WASHC2C: variants seen among roughly 807,000 people sequenced by gnomAD.
WASHC2C encodes Vaccinia Penetration Factor.
WASHC2C carries 73 observed loss-of-function variants against 142.2 expected under a neutral mutation model. The ratio of observed to expected loss-of-function variants is 0.51; its 90% confidence interval spans 0.43 to 0.62. The LOEUF is 0.62. Ranked by LOEUF, WASHC2C falls within the 20% of genes least tolerant of loss-of-function variation. The pLI, the probability that WASHC2C is intolerant of heterozygous loss-of-function variation, is 0.00. For missense variants in WASHC2C, 969 were observed against 1,531.7 expected, an observed-to-expected ratio of 0.63 and a Z score of 6.13; for synonymous variants, 337 against 565.5, an observed-to-expected ratio of 0.60 and a Z score of 5.73.
intron 7 of WASHC2C, 36 bp from the exon 8 acceptor site, chr10:45,746,564 C>T: frequency 6.2e-7 from 1 of 1,609,316 alleles, no homozygotes; most frequent in Non-Finnish European, 8.5e-7. Flanking sequence ...CTAAGTAAAG[C>T]CCATTTAACA....
chr10:45,790,968 C>T (rs1442373997), intron 30 of WASHC2C, among the ~76,000 whole-genome samples: 1 of 152,156 alleles, frequency 6.6e-6, no homozygotes, highest in Non-Finnish European at 1.5e-5. Flanking sequence ...GAGAGCAAGT[C>T]TAGACCTGGG....
chr10:45,729,502 A>C (rs2050287223), intron 3 of WASHC2C, among the ~76,000 whole-genome samples: 1 of 152,234 alleles, frequency 6.6e-6, no homozygotes, highest in Admixed American at 6.5e-5. Flanking sequence ...ATATGGAATC[A>C]ACTGTAAACA....
At chr10:45,744,070 T>A (rs1398263475) in intron 6 of WASHC2C, among the ~76,000 whole-genome samples, 1 of 148,930 alleles carries the variant, frequency 6.7e-6, no homozygotes, top group Non-Finnish European at 1.5e-5. Context: ...TCTTTCTTTC[T>A]TTTTTGAGCC....
chr10:45,763,703 G>C (rs1454515604), intron 18 of WASHC2C, among the ~76,000 whole-genome samples: 24 of 151,324 alleles, frequency 1.6e-4, no homozygotes, highest in African/African-American at 5.8e-4. Context: ...TTAGATTCTT[G>C]ACGCAGTTCT....
chr10:45,735,509 G>A (rs1313501308), intron 3 of WASHC2C, among the ~76,000 whole-genome samples: 21 of 152,110 alleles, frequency 1.4e-4, no homozygotes, highest in Non-Finnish European at 8.8e-5. Flanking sequence ...ACAGGTATGA[G>A]CCTCCCAAAG....
chr10:45,739,113 G>T (rs1238960748), intron 4 of WASHC2C, among the ~76,000 whole-genome samples: 2 of 151,396 alleles, frequency 1.3e-5, no homozygotes, highest in Non-Finnish European at 2.9e-5. Flanking sequence ...GGTATTTAGT[G>T]TACTATTTTT....
chr10:45,776,966 A>G (rs1554886560), intron 21 of WASHC2C, among the ~76,000 whole-genome samples: 15 of 150,082 alleles, frequency 1.0e-4, no homozygotes. Flanking sequence ...GGAGTGAGGC[A>G]GAGAGAGAGA....
chr10:45,773,820 CTG>C (rs1554885568), intron 21 of WASHC2C, among the ~76,000 whole-genome samples: 1 of 137,376 alleles, frequency 7.3e-6, no homozygotes, highest in Non-Finnish European at 1.5e-5. Context: ...TACAGTTAGA[CTG>C]TGGAATACTA....
At chr10:45,791,783 A>T (rs1388184349) in intron 30 of WASHC2C, among the ~76,000 whole-genome samples, 3 of 146,354 alleles carry the variant, frequency 2.0e-5, no homozygotes, top group Non-Finnish European at 4.6e-5. Flanking sequence ...TCAGTGAAAC[A>T]CTAAACGAAT....
chr10:45,727,557 G>T lies in WASHC2C; in HGVS notation c.126+18G>T. On this transcript the variant is annotated intron_variant, in intron 2 of 30. Transcript: ENST00000623400. ...ACGCGGGCGTGAGAGGCGGGCCCCG[G>T]GGACGCGAGAGCGGCAGGGGTGACG... The T allele has an allele frequency of 2.6e-6, 4 of 1,565,160 alleles. No homozygotes were observed. The highest frequency in any genetic ancestry group is 2.4e-5 in the East Asian group (1 of 42,242).
intron 23 of WASHC2C, among the ~76,000 whole-genome samples, chr10:45,783,416 A>AT (rs1388217823): frequency 6.6e-6 from 1 of 152,092 alleles, no homozygotes; most frequent in Non-Finnish European, 1.5e-5. Context: ...AATGTGATTT[A>AT]TTTTGTTAGA....
In WASHC2C at chr10:45,750,741, C is replaced by G; in HGVS notation, c.844-10C>G. On this transcript the variant is annotated splice_polypyrimidine_tract_variant and intron_variant, in intron 9 of 30. Coordinates refer to ENST00000623400, the MANE Select transcript of WASHC2C (RefSeq NM_001330074.2). ...CAAAAAAGCGATTCTTTTGATTTCT[C>G]CTGCTGTAGAAAAGAAGCAGACCTA... The G allele has an allele frequency of 6.5e-7, 1 of 1,547,128 alleles. No homozygotes were observed. Among genetic ancestry groups the G allele is most frequent in the South Asian group, 1.2e-5 (1 of 83,810 alleles).
At position 45,792,411 on chromosome 10, in the gene WASHC2C, G is replaced by A. The variant is rs1326996758; in HGVS notation, c.*11G>A. ...TTTGGAGGCCAGTAGAGCACACAGG[G>A]TATCCACATGTTACCCTGCAGCTAC... is the stretch of plus-strand genomic sequence containing the variant. On this transcript the variant is annotated 3_prime_UTR_variant, in exon 31 of 31. Coordinates refer to ENST00000623400, the MANE Select transcript of WASHC2C (RefSeq NM_001330074.2). 7 of 1,563,316 alleles carry A rather than the reference G, an allele frequency of 4.5e-6. 1 individual carries two copies. In the East Asian group the frequency reaches 1.6e-4, roughly 35 times the overall value.
At position 45,728,994 on chromosome 10, in the gene WASHC2C, C is replaced by CT. The variant is rs2050238517; in HGVS notation, c.261dup (p.Met88TyrfsTer4). On this transcript the variant is annotated frameshift_variant, in exon 3 of 31. Coordinates refer to ENST00000623400, the MANE Select transcript of WASHC2C (RefSeq NM_001330074.2). LOFTEE classifies it high-confidence loss of function. ...CCTGCATAATGTCTTCAATGACTTC[C>CT]TTATGCTCTCTAATACCCAGTTCAT... 1 of 1,613,738 alleles carries CT rather than the reference C, an allele frequency of 6.2e-7. No individual in the cohort carries two copies. The highest frequency in any genetic ancestry group is 8.5e-7 in the Non-Finnish European group (1 of 1,179,838).
In WASHC2C at chr10:45,762,671, C is replaced by T. The variant is rs538332465; in HGVS notation, c.1636-717C>T. ...CTGTAATCCCAGCACTTGGGGAAGCCGAGGCGGGCGGATCACAAGGTCAGG... is the reference window on the plus strand; with the variant it reads ...CTGTAATCCCAGCACTTGGGGAAGCTGAGGCGGGCGGATCACAAGGTCAGG... On this transcript the variant is annotated intron_variant, in intron 17 of 30. Coordinates refer to ENST00000623400, the MANE Select transcript of WASHC2C (RefSeq NM_001330074.2). 1.7e-3 allele frequency among the ~76,000 whole-genome samples: 258 copies of T among 152,176 alleles called. 1 individual carries two copies. The highest frequency in any genetic ancestry group is 2.5e-4 in the Non-Finnish European group (17 of 68,016).
chr10:45,771,254 A>G (rs1349265408), intron 20 of WASHC2C, among the ~76,000 whole-genome samples: 6 of 150,930 alleles, frequency 4.0e-5, no homozygotes, highest in African/African-American at 1.5e-4. Flanking sequence ...AATCCCAGCT[A>G]CTCGGGAGGC....
chr10:45,749,851 A>ATATATGTATATT (rs797033033), intron 8 of WASHC2C, among the ~76,000 whole-genome samples: 1 of 108,168 alleles, frequency 9.2e-6, no homozygotes, highest in Non-Finnish European at 1.8e-5. Context: ...ATATATATAT[A>ATATATGTATATT]TATATTTATA....
intron 10 of WASHC2C, 55 bp from the exon 11 acceptor site, chr10:45,751,427 A>C: frequency 1.2e-6 from 1 of 832,120 alleles, no homozygotes; most frequent in Non-Finnish European, 1.9e-6. Flanking sequence ...AAGAACCAGG[A>C]TGTGTATACT....
chr10:45,742,908 T>C lies in WASHC2C; in HGVS notation c.529-482T>C, dbSNP rs1368315322. ...TTTTTTTTTTGAGATGGAGTTTTGC[T>C]CTTATTGCCCAGGCTAGAGTGCAGT... On this transcript the variant is annotated intron_variant, in intron 5 of 30. Coordinates refer to ENST00000623400, the MANE Select transcript of WASHC2C (RefSeq NM_001330074.2). Among the ~76,000 whole-genome samples the C allele has an allele frequency of 4.2e-3, 628 of 148,392 alleles. 1 individual carries two copies. Among genetic ancestry groups the C allele is most frequent in the African/African-American group, 0.015 (604 of 39,872 alleles).
Sources: gnomAD v4.1 joint callset for allele counts (sites outside exome capture counted in the v4.1 genomes callset) on GRCh38, gnomAD v4.1.1 for gene constraint, MANE v1.5 for transcripts, NCBI Gene and HGNC (gene_info 2026-07-23, HGNC 2026-07-21) for gene names.